The following PVT1 variants were observed in gnomAD, a reference collection of about 807,000 sequenced individuals.
The protein encoded by PVT1 is Pvt1 oncogene, also known as CXCR4/PVT1 fusion.
chr8:127,985,331 CT>C (rs1816957148), intron 3 of PVT1, among the ~76,000 whole-genome samples: 1 of 151,934 alleles, frequency 6.6e-6, no homozygotes, highest in Non-Finnish European at 1.5e-5. Flanking sequence ...CGCGCCCAGC[CT>C]TCCAGGCTGG....
chr8:127,866,505 C>T (rs1586413258), intron 2 of PVT1, among the ~76,000 whole-genome samples: 1 of 152,152 alleles, frequency 6.6e-6, no homozygotes, highest in Non-Finnish European at 1.5e-5. Flanking sequence ...CACTCCCTCT[C>T]CTTCAGCATC....
intron 4 of PVT1, among the ~76,000 whole-genome samples, chr8:128,020,318 A>T (rs1817418124): frequency 6.6e-6 from 1 of 152,222 alleles, no homozygotes; most frequent in Non-Finnish European, 1.5e-5. Context: ...TCTAATAGGG[A>T]GAGTATCCTT....
chr8:127,911,711 G>A (rs1020024361), intron 3 of PVT1, among the ~76,000 whole-genome samples: 3 of 152,242 alleles, frequency 2.0e-5, no homozygotes, highest in African/African-American at 7.2e-5. Context: ...TACACCAGCT[G>A]TGTCTAATAG....
chr8:127,799,111 TTG>T (rs144591552), intron 2 of PVT1, among the ~76,000 whole-genome samples: 1 of 152,038 alleles, frequency 6.6e-6, no homozygotes, highest in African/African-American at 2.4e-5. Flanking sequence ...CTTTTCCTTT[TTG>T]TGTGTGTGTG....
Position 127,928,458 on chromosome 8 carries a change from T to A in PVT1, n.782+37460T>A, listed in dbSNP as rs564662095. Among the ~76,000 whole-genome samples, 18 of 152,360 alleles carry A rather than the reference T, an allele frequency of 1.2e-4. No individual in the cohort carries two copies. In the East Asian group the frequency reaches 3.5e-3, roughly 29 times the overall value. On this transcript the variant is annotated intron_variant and non_coding_transcript_variant, in intron 3 of 10. Coordinates refer to ENST00000651587, the Ensembl canonical transcript of PVT1. The stretch of plus-strand genomic sequence containing the variant: ...TACCTATCAGGATGGTCCTGAATTG[T>A]CTTCTTTATCATCTGCTCTGCTCTG...
At chr8:127,896,766 G>A (rs1478589951) in intron 3 of PVT1, among the ~76,000 whole-genome samples, 1 of 144,022 alleles carries the variant, frequency 6.9e-6, no homozygotes. Context: ...TTTTCCTGAT[G>A]CCTTTCCTCC....
At chr8:127,907,332 C>T (rs553178272) in intron 3 of PVT1, among the ~76,000 whole-genome samples, 4 of 152,254 alleles carry the variant, frequency 2.6e-5, no homozygotes, top group East Asian at 1.9e-4. Context: ...TGTCAAAATG[C>T]GGTGCTGTAA....
At chr8:127,993,558 T>A (rs966807031) in intron 4 of PVT1, among the ~76,000 whole-genome samples, 1 of 152,260 alleles carries the variant, frequency 6.6e-6, no homozygotes, top group African/African-American at 2.4e-5. Flanking sequence ...GAACATCAGC[T>A]CTTCTCCCCT....
intron 3 of PVT1, among the ~76,000 whole-genome samples, chr8:127,922,194 T>G (rs1039909948): frequency 6.6e-6 from 1 of 152,106 alleles, no homozygotes; most frequent in African/African-American, 2.4e-5. Flanking sequence ...AATCTTATTT[T>G]ATGTATAGTT....
intron 3 of PVT1, among the ~76,000 whole-genome samples, chr8:127,951,273 G>A (rs1365007269): frequency 6.6e-6 from 1 of 152,286 alleles, no homozygotes; most frequent in East Asian, 1.9e-4. Flanking sequence ...CATCCCACCT[G>A]CTCCTTCTAC....
At chr8:127,913,521 G>T (rs1815936227) in intron 3 of PVT1, among the ~76,000 whole-genome samples, 1 of 152,136 alleles carries the variant, frequency 6.6e-6, no homozygotes, top group African/African-American at 2.4e-5. Context: ...TTAAGCCTGG[G>T]TTCTGTTGGG....
At chr8:127,834,567 A>G (rs971995220) in intron 2 of PVT1, among the ~76,000 whole-genome samples, 3 of 152,224 alleles carry the variant, frequency 2.0e-5, no homozygotes, top group African/African-American at 7.2e-5. Context: ...AGAATTGACA[A>G]ATGGGATCTA....
At chr8:127,905,189 C>G (rs1815804846) in intron 3 of PVT1, among the ~76,000 whole-genome samples, 1 of 152,240 alleles carries the variant, frequency 6.6e-6, no homozygotes, top group African/African-American at 2.4e-5. Flanking sequence ...CTGTCTGTGA[C>G]TTGATGACTT....
At chr8:127,862,136 G>T (rs779712876) in intron 2 of PVT1, among the ~76,000 whole-genome samples, 1 of 152,182 alleles carries the variant, frequency 6.6e-6, no homozygotes, top group Non-Finnish European at 1.5e-5. Context: ...GGCTGGGCGC[G>T]TTGGCTCACG....
intron 3 of PVT1, among the ~76,000 whole-genome samples, chr8:127,984,837 T>TTTTCTTTCTTTCTTTCTTTC (rs71300287): frequency 6.1e-5 from 5 of 81,338 alleles, no homozygotes; most frequent in Admixed American, 3.2e-4. Flanking sequence ...CTTTCTTTTC[T>TTTTCTTTCTTTCTTTCTTTC]TTTCTTTCTT....
chr8:128,039,664 C>G (rs1475943076), intron 4 of PVT1, among the ~76,000 whole-genome samples: 1 of 152,224 alleles, frequency 6.6e-6, no homozygotes, highest in Non-Finnish European at 1.5e-5. Context: ...GGCTCTTTCT[C>G]TGTTGAGATG....
At chr8:127,875,190 G>A (rs939261091) in intron 2 of PVT1, among the ~76,000 whole-genome samples, 5 of 152,094 alleles carry the variant, frequency 3.3e-5, no homozygotes, top group South Asian at 2.1e-4. Flanking sequence ...GTTGCACATC[G>A]TCCCCTTCCT....
chr8:127,826,311 G>A (rs980032885), intron 2 of PVT1, among the ~76,000 whole-genome samples: 5 of 152,092 alleles, frequency 3.3e-5, no homozygotes, highest in African/African-American at 1.2e-4. Context: ...AAGTGCTTCC[G>A]CTAGATTGCT....
At chr8:127,849,307 A>G (rs1815076441) in intron 2 of PVT1, among the ~76,000 whole-genome samples, 1 of 152,110 alleles carries the variant, frequency 6.6e-6, no homozygotes, top group Admixed American at 6.6e-5. Flanking sequence ...GGGTCAGAGC[A>G]GTTTGGTGAC....
Sources: allele counts gnomAD v4.1 joint callset (sites outside exome capture counted in the v4.1 genomes callset), GRCh38; gene constraint gnomAD v4.1.1; transcripts MANE v1.5; gene names NCBI Gene and HGNC (gene_info 2026-07-23, HGNC 2026-07-21).